LGR5: variants seen among roughly 807,000 people sequenced by gnomAD.
LGR5 encodes the protein leucine rich repeat containing G protein-coupled receptor 5, also known as leucine-rich repeat-containing G protein-coupled receptor 5.
LGR5 carries 54 observed loss-of-function variants against 76.7 expected under a neutral mutation model. The ratio of observed to expected loss-of-function variants is 0.70; its 90% CI spans 0.57 to 0.88. The LOEUF (loss-of-function observed/expected upper bound fraction) is 0.88. LGR5 is among the 40% of genes least tolerant of loss of function. The pLI is 0.00. For synonymous variants in LGR5, 406 were observed against 421.9 expected (o/e 0.96, Z 0.46); for missense variants, 1,078 against 1,073.3 (o/e 1.00, Z -0.06).
At chr12:71,528,112 T>C (rs1876110194) in intron 3 of LGR5, among the ~76,000 whole-genome samples, 1 of 152,210 alleles carries the variant, frequency 6.6e-6, no homozygotes, top group African/African-American at 2.4e-5. Flanking sequence ...AGTTTATACA[T>C]CCTGTCTATT....
intron 1 of LGR5, among the ~76,000 whole-genome samples, chr12:71,465,897 G>GT (rs1301688124): frequency 6.6e-6 from 1 of 152,224 alleles, no homozygotes; most frequent in Non-Finnish European, 1.5e-5. Flanking sequence ...AGCAGCCACT[G>GT]TATTTTGTTG....
At chr12:71,439,787 G>A (rs1230096482), upstream of LGR5, 1 of 404,382 alleles carries the variant, frequency 2.5e-6, no homozygotes, top group Non-Finnish European at 4.4e-6. Flanking sequence ...GAGCGTGCAA[G>A]CAGAGATGCT....
intron 2 of LGR5, among the ~76,000 whole-genome samples, chr12:71,514,496 A>C (rs1209895945): frequency 6.7e-6 from 1 of 149,294 alleles, no homozygotes; most frequent in Non-Finnish European, 1.5e-5. Context: ...TGAACCCGGA[A>C]GGCGGAGCTT....
chr12:71,503,533 T>C (rs569285892), intron 1 of LGR5, among the ~76,000 whole-genome samples: 1 of 152,324 alleles, frequency 6.6e-6, no homozygotes, highest in East Asian at 1.9e-4. Context: ...GCGTCATTGA[T>C]GTAAAGTCAA....
At chr12:71,482,608 C>T (rs1035756550) in intron 1 of LGR5, among the ~76,000 whole-genome samples, 1 of 152,148 alleles carries the variant, frequency 6.6e-6, no homozygotes, top group Non-Finnish European at 1.5e-5. Flanking sequence ...ACAATTCACC[C>T]TATAAAAGCC....
intron 1 of LGR5, among the ~76,000 whole-genome samples, chr12:71,480,658 G>C (rs1448843995): frequency 6.6e-6 from 1 of 152,162 alleles, no homozygotes; most frequent in African/African-American, 2.4e-5. Flanking sequence ...AGTCTGGTTT[G>C]ACTGGAATAT....
At position 71,469,461 on chromosome 12, in the gene LGR5, C is replaced by A. The variant is rs989820990; in HGVS notation, c.212+29169C>A. On this transcript the variant is annotated intron_variant, in intron 1 of 17. Coordinates refer to ENST00000266674, the MANE Select transcript of LGR5 (RefSeq NM_003667.4). ...CTGTCACTCCAATTGCCTGCCTCCG[C>A]GTGGGCGCTGGGAGTGGGAATCAGT... Among the ~76,000 whole-genome samples, 4 of 152,138 alleles carry A rather than the reference C, an allele frequency of 2.6e-5. No homozygotes were observed. The South Asian group carries it at 8.3e-4, about 32-fold the overall frequency.
Position 71,566,821 on chromosome 12 carries a change from T to G in LGR5, c.999-20T>G. The G allele has an allele frequency of 1.2e-6, 2 of 1,609,288 alleles. No homozygotes were observed. Among genetic ancestry groups the G allele is most frequent in the Non-Finnish European group, 1.7e-6 (2 of 1,175,620 alleles). The stretch of plus-strand genomic sequence containing the variant: ...GTGATGCCTGAATGAAAGAATTATG[T>G]CTGGTTTGTGTTTTAACAGGACTTT... On this transcript the variant is annotated intron_variant, in intron 10 of 17. Coordinates refer to ENST00000266674, the MANE Select transcript of LGR5 (RefSeq NM_003667.4).
chr12:71,497,152 A>G (rs1489994823), intron 1 of LGR5, among the ~76,000 whole-genome samples: 1 of 150,698 alleles, frequency 6.6e-6, no homozygotes, highest in Non-Finnish European at 1.5e-5. Context: ...CATCTCTACG[A>G]AAAAAAAAAT....
chr12:71,524,625 C>T (rs1305298015), intron 3 of LGR5, 148 bp downstream of exon 3: 7 of 490,360 alleles, frequency 1.4e-5, no homozygotes, highest in African/African-American at 1.0e-4. Flanking sequence ...TGGTACCATA[C>T]AGCCATATCA....
At chr12:71,533,225 G>C (rs1326758618) in intron 3 of LGR5, among the ~76,000 whole-genome samples, 3 of 152,000 alleles carry the variant, frequency 2.0e-5, no homozygotes, top group Non-Finnish European at 4.4e-5. Context: ...CATGCCTGTA[G>C]TCCCAGCTAC....
intron 1 of LGR5, among the ~76,000 whole-genome samples, chr12:71,481,005 T>A (rs1004474744): frequency 1.3e-5 from 2 of 152,188 alleles, no homozygotes; most frequent in African/African-American, 4.8e-5. Flanking sequence ...TAGGCTCCAT[T>A]CTTCAGATCA....
intron 1 of LGR5, among the ~76,000 whole-genome samples, chr12:71,498,347 C>T (rs1170519575): frequency 1.3e-5 from 2 of 152,172 alleles, no homozygotes; most frequent in Admixed American, 6.5e-5. Flanking sequence ...TTAGCATAAA[C>T]TGGGTGTCTT....
intron 11 of LGR5, among the ~76,000 whole-genome samples, chr12:71,568,981 A>G (rs1795465): frequency 0.88 from 134,108 of 152,162 alleles, 61,078 homozygotes; most frequent in East Asian, 1. Context: ...CTCATAAGGT[A>G]GCCACAGGAA....
intron 1 of LGR5, among the ~76,000 whole-genome samples, chr12:71,493,770 C>CTTTTT (rs57504416): frequency 1.5e-5 from 2 of 129,544 alleles, no homozygotes; most frequent in African/African-American, 6.3e-5. Context: ...AGTAAATAAG[C>CTTTTT]TTTTTTTTTT....
chr12:71,560,657 T>A (rs1039923381), intron 7 of LGR5, among the ~76,000 whole-genome samples: 1 of 152,168 alleles, frequency 6.6e-6, no homozygotes, highest in African/African-American at 2.4e-5. Flanking sequence ...CTGGGCCTCG[T>A]GGCACATGCC....
At chr12:71,566,999 T>C (rs1158507507) in intron 11 of LGR5, 87 bp downstream of exon 11, 3 of 1,082,314 alleles carry the variant, frequency 2.8e-6, no homozygotes, top group African/African-American at 1.6e-5. Context: ...ATAATCTCTT[T>C]AAAAGAGGAG....
intron 5 of LGR5, 111 bp downstream of exon 5, chr12:71,553,399 A>G (rs976565855): frequency 1.2e-6 from 1 of 827,232 alleles, no homozygotes; most frequent in Non-Finnish European, 2.0e-6. Context: ...TAAGGGAGGA[A>G]AACCTCCTGA....
intron 17 of LGR5, 176 bp downstream of exon 17, chr12:71,582,715 A>T (rs1279913212): frequency 1.8e-6 from 1 of 557,944 alleles, no homozygotes; most frequent in Non-Finnish European, 3.2e-6. Context: ...GTTGTTTTTC[A>T]CTTGCCAATA....
Sources: gnomAD v4.1 joint callset for allele counts (sites outside exome capture counted in the v4.1 genomes callset) on GRCh38, gnomAD v4.1.1 for gene constraint, MANE v1.5 for transcripts, NCBI Gene and HGNC (gene_info 2026-07-23, HGNC 2026-07-21) for gene names.